The following CEP83 variants were observed in gnomAD, a reference collection of about 807,000 sequenced individuals.
CEP83 encodes the protein centrosomal protein 83.
In CEP83, 70 loss-of-function variants were observed where a neutral mutation model predicts 101.9. The ratio of observed to expected loss-of-function variants is 0.69; its 90% CI spans 0.57 to 0.84. The LOEUF (loss-of-function observed/expected upper bound fraction) is 0.84, where lower values mean the gene tolerates loss of function less well. Among genes scored for constraint, CEP83 ranks in the 40% least tolerant of loss-of-function variants. CEP83 has a pLI of 0.00. For missense variants in CEP83, 715 were observed against 787.2 expected (o/e 0.91, Z 1.10); for synonymous variants, 264 against 267.9 (o/e 0.99, Z 0.14).
At chr12:94,401,143 T>G (rs1445338198) in intron 5 of CEP83, 162 bp from the exon 6 acceptor site, 1 of 325,456 alleles carries the variant, frequency 3.1e-6, no homozygotes, top group Admixed American at 4.8e-5. Flanking sequence ...AAGGTCTTCA[T>G]AACAAGTATC....
At chr12:94,382,659 G>C (rs959685506) in intron 6 of CEP83, among the ~76,000 whole-genome samples, 9 of 151,520 alleles carry the variant, frequency 5.9e-5, no homozygotes, top group African/African-American at 1.9e-4. Flanking sequence ...AGATTTCCCT[G>C]TTATTTTCTG....
chr12:94,430,444 A>G (rs921974675), intron 2 of CEP83, among the ~76,000 whole-genome samples: 11 of 152,058 alleles, frequency 7.2e-5, no homozygotes, highest in African/African-American at 2.7e-4. Flanking sequence ...AAAAGAATCA[A>G]ATTCTGGAAC....
chr12:94,279,739 A>G, the CEP83 span: 1 of 895,406 alleles, frequency 1.1e-6, no homozygotes, highest in Non-Finnish European at 1.6e-6. Context: ...CCCTGCCCCC[A>G]CCAGCTTCCA....
At chr12:94,399,458 C>T (rs115537686) in intron 6 of CEP83, among the ~76,000 whole-genome samples, 251 of 152,266 alleles carry the variant, frequency 1.6e-3, no homozygotes, top group African/African-American at 5.9e-3. Flanking sequence ...GCCTCTAATT[C>T]CAGCACTTTG....
chr12:94,277,083 T>C, the CEP83 span: 1 of 152,212 alleles, frequency 6.6e-6, no homozygotes, highest in South Asian at 2.1e-4. Context: ...ACTGGGTGGC[T>C]TATAAATAAT....
intron 2 of CEP83, among the ~76,000 whole-genome samples, chr12:94,431,383 G>C (rs2065610407): frequency 6.6e-6 from 1 of 152,056 alleles, no homozygotes; most frequent in African/African-American, 2.4e-5. Context: ...ATTGGTCTCA[G>C]CAAAAATAGT....
At chr12:94,340,895 G>T (rs1024831417) in intron 11 of CEP83, among the ~76,000 whole-genome samples, 1 of 152,196 alleles carries the variant, frequency 6.6e-6, no homozygotes, top group Non-Finnish European at 1.5e-5. Context: ...AAGAAAAGGA[G>T]GAGAAAAGTC....
At chr12:94,378,747 A>G in intron 7 of CEP83, 44 bp downstream of exon 7, 1 of 1,594,668 alleles carries the variant, frequency 6.3e-7, no homozygotes, top group Non-Finnish European at 8.6e-7. Flanking sequence ...ACTGCACTTT[A>G]AAAAAGTATG....
intron 14 of CEP83, among the ~76,000 whole-genome samples, chr12:94,323,295 G>A (rs1461869583): frequency 6.6e-6 from 1 of 152,130 alleles, no homozygotes; most frequent in Non-Finnish European, 1.5e-5. Context: ...ACGTGTATCT[G>A]AGCGGCTGCA....
chr12:94,267,012 T>C, the CEP83 span, among the ~76,000 whole-genome samples: 3 of 152,368 alleles, frequency 2.0e-5, no homozygotes, highest in South Asian at 6.2e-4. Flanking sequence ...TGGACACCAC[T>C]GGGTATCTTG....
intron 2 of CEP83, among the ~76,000 whole-genome samples, chr12:94,416,347 T>C (rs1029565239): frequency 8.6e-5 from 13 of 152,046 alleles, no homozygotes; most frequent in Non-Finnish European, 1.8e-4. Context: ...TAAGGACAAA[T>C]ACAGTGGTGA....
intron 1 of CEP83, among the ~76,000 whole-genome samples, chr12:94,441,894 G>A (rs1324541613): frequency 2.3e-4 from 28 of 121,946 alleles, no homozygotes; most frequent in Admixed American, 1.6e-3. Context: ...CAGCCTGGGC[G>A]ACAGAGCGAG....
intron 11 of CEP83, among the ~76,000 whole-genome samples, chr12:94,339,295 T>C (rs956946019): frequency 2.6e-5 from 4 of 152,142 alleles, no homozygotes; most frequent in Non-Finnish European, 5.9e-5. Context: ...ATTCTAAGTG[T>C]TGTGGATACA....
chr12:94,332,915 C>T (rs2059285535), intron 13 of CEP83, among the ~76,000 whole-genome samples: 1 of 151,664 alleles, frequency 6.6e-6, no homozygotes, highest in Admixed American at 6.6e-5. Flanking sequence ...AAAGCAAATA[C>T]AAAATAGTAC....
intron 6 of CEP83, among the ~76,000 whole-genome samples, chr12:94,398,861 G>C (rs551920125): frequency 2.4e-4 from 37 of 152,220 alleles, no homozygotes; most frequent in Middle Eastern, 3.4e-3. Flanking sequence ...GGGAGTGTCT[G>C]TCTTATGCGG....
At chr12:94,450,276 G>C (rs2067152970) in intron 1 of CEP83, among the ~76,000 whole-genome samples, 1 of 152,086 alleles carries the variant, frequency 6.6e-6, no homozygotes, top group Non-Finnish European at 1.5e-5. Context: ...TTTTTAGACA[G>C]ATTCTCGCTC....
At chr12:94,336,325 A>G (rs757880439) in intron 11 of CEP83, among the ~76,000 whole-genome samples, 3 of 152,200 alleles carry the variant, frequency 2.0e-5, no homozygotes, top group Non-Finnish European at 4.4e-5. Flanking sequence ...TGAGGAAGAC[A>G]TTACACTAAT....
the CEP83 span, among the ~76,000 whole-genome samples, chr12:94,296,160 GTCTC>G: frequency 6.6e-6 from 1 of 151,774 alleles, no homozygotes; most frequent in Non-Finnish European, 1.5e-5. Context: ...AGATGTGCTC[GTCTC>G]TCTCATCTTT....
At chr12:94,302,373 T>C (rs1305901456), downstream of CEP83, among the ~76,000 whole-genome samples, 1 of 148,500 alleles carries the variant, frequency 6.7e-6, no homozygotes, top group East Asian at 1.9e-4. Context: ...ATCATAAACA[T>C]TTTATTCATT....
Sources: allele counts gnomAD v4.1 joint callset (sites outside exome capture counted in the v4.1 genomes callset), GRCh38; gene constraint gnomAD v4.1.1; transcripts MANE v1.5; gene names NCBI Gene and HGNC (gene_info 2026-07-23, HGNC 2026-07-21).